The following ABCC1 variants were observed in gnomAD, a reference collection of about 807,000 sequenced individuals.
The protein encoded by ABCC1 is ATP binding cassette subfamily C member 1 (ABCC1 blood group).
In ABCC1, 83 loss-of-function variants were observed where a neutral mutation model predicts 172.9. The ratio of observed to expected loss-of-function variants is 0.48; its 90% CI spans 0.40 to 0.58. The LOEUF is 0.58. ABCC1 is among the 20% of genes least tolerant of loss of function. The pLI is 0.00. For synonymous variants in ABCC1, 937 were observed against 825.2 expected, an observed-to-expected ratio of 1.14 and a Z score of -2.32; for missense variants, 1,817 against 2,002.7, an observed-to-expected ratio of 0.91 and a Z score of 1.77.
rs191017838 is a variant in ABCC1, at chr16:16,114,857, G to A, written c.3171G>A (p.Leu1057=). 5.8e-3 allele frequency: 9,432 copies of A among 1,613,996 alleles called. 35 individuals carry two copies. The highest frequency in any genetic ancestry group is 7.2e-3 in the Non-Finnish European group (8,546 of 1,179,958). Residue 1057 remains leucine, a synonymous_variant, in exon 23 of 31, where the codon CTG becomes CTA. Coordinates refer to ENST00000399410, the MANE Select transcript of ABCC1 (RefSeq NM_004996.4). Reference sequence around the variant, plus strand: ...ACGTGGACCTGCTGCACAGCATCCTGCGGTCACCCATGAGCTTCTTTGAGC... The same window carrying A: ...ACGTGGACCTGCTGCACAGCATCCTACGGTCACCCATGAGCTTCTTTGAGC... ...CLHVDLLHSI[L]RSPMSFFERT...
At position 16,014,708 on chromosome 16, in the gene ABCC1, G is replaced by A. The variant is rs878959911; in HGVS notation, c.489+80G>A. On this transcript the variant is annotated intron_variant, in intron 4 of 30. Transcript: ENST00000399410. ...CTGGGTCCCTCTGGCTTGTGTAGAAGTCATGCGTTGCCATGGGAACCAGGG... is the reference window on the plus strand; with the variant it reads ...CTGGGTCCCTCTGGCTTGTGTAGAAATCATGCGTTGCCATGGGAACCAGGG... 41 of 1,533,262 alleles carry A rather than the reference G, an allele frequency of 2.7e-5. 1 individual carries two copies. In the South Asian group the frequency reaches 4.4e-4, roughly 17 times the overall value. The allele number at this position is 1,533,262 out of a possible 1,614,324, so 95.0% of individuals were successfully genotyped here.
At chr16:16,083,615 G>T in intron 17 of ABCC1, 73 bp downstream of exon 17, 1 of 1,556,164 alleles carries the variant, frequency 6.4e-7, no homozygotes, top group Non-Finnish European at 8.8e-7. Context: ...CACAATCTCA[G>T]TGGGCTGTGA....
Position 16,050,829 on chromosome 16 carries a change from G to A in ABCC1, c.1381-1895G>A, listed in dbSNP as rs1184959228. ...GAGGCAGGAGGATTGCTTGAGCCTA[G>A]GAGTGCAGAGGCTGCAGTAAGCTAG... is the stretch of plus-strand genomic sequence containing the variant. On this transcript the variant is annotated intron_variant, in intron 10 of 30. Coordinates refer to ENST00000399410, the MANE Select transcript of ABCC1 (RefSeq NM_004996.4). Among the ~76,000 whole-genome samples the A allele has an allele frequency of 4.6e-5, 7 of 151,928 alleles. No individual in the cohort carries two copies. In the East Asian group the frequency reaches 1.4e-3, roughly 29 times the overall value.
At chr16:15,961,015 TTTTTTTTTTA>T (rs1358579263) in intron 1 of ABCC1, among the ~76,000 whole-genome samples, 3 of 60,056 alleles carry the variant, frequency 5.0e-5, no homozygotes, top group African/African-American at 1.5e-4. Flanking sequence ...TTTTTTTTTT[TTTTTTTTTTA>T]AAATAGATGG....
intron 14 of ABCC1, among the ~76,000 whole-genome samples, chr16:16,075,639 A>G (rs1422163360): frequency 6.6e-6 from 1 of 152,148 alleles, no homozygotes; most frequent in Non-Finnish European, 1.5e-5. Context: ...TCAGGAGAAG[A>G]CAGAAACATG....
intron 29 of ABCC1, among the ~76,000 whole-genome samples, chr16:16,137,534 G>A (rs1421464626): frequency 6.9e-6 from 1 of 145,580 alleles, no homozygotes; most frequent in African/African-American, 2.5e-5. Flanking sequence ...AGGGATGCAT[G>A]GGTATGAGGC....
chr16:16,001,966 C>G (rs1197923210), intron 1 of ABCC1, among the ~76,000 whole-genome samples: 2 of 152,294 alleles, frequency 1.3e-5, no homozygotes, highest in Admixed American at 1.3e-4. Flanking sequence ...GATCCTCCCA[C>G]CTGGGCCTCC....
chr16:16,052,200 C>CA (rs1301976628), intron 10 of ABCC1, among the ~76,000 whole-genome samples: 2 of 150,568 alleles, frequency 1.3e-5, no homozygotes, highest in Non-Finnish European at 3.0e-5. Flanking sequence ...CTTGTCCTTA[C>CA]AAAAAACCAA....
intron 9 of ABCC1, 89 bp downstream of exon 9, chr16:16,046,102 C>G (rs1419054783): frequency 3.6e-5 from 51 of 1,434,196 alleles, no homozygotes; most frequent in Non-Finnish European, 4.7e-5. Context: ...GTGGGGATTT[C>G]CAGCCCAGCT....
chr16:15,985,996 G>A (rs917605101), intron 1 of ABCC1, among the ~76,000 whole-genome samples: 8 of 151,404 alleles, frequency 5.3e-5, no homozygotes, highest in South Asian at 2.1e-4. Flanking sequence ...TTTTTGAGAC[G>A]GAATCTCAGC....
In ABCC1 at chr16:15,962,673, G is replaced by C. The variant is rs115343087; in HGVS notation, c.48+12874G>C. 6.3e-3 allele frequency among the ~76,000 whole-genome samples: 954 copies of C among 152,260 alleles called. 10 individuals carry two copies. The highest frequency in any genetic ancestry group is 0.02 in the African/African-American group (848 of 41,552). On this transcript the variant is annotated intron_variant, in intron 1 of 30. Transcript: ENST00000399410. The stretch of plus-strand genomic sequence containing the variant: ...GTGCAGAGTAAAGAGGAGAAAAGCC[G>C]GTATAAAACCATCAGATCTTCTGAG...
intron 18 of ABCC1, 126 bp from the exon 19 acceptor site, chr16:16,090,279 A>T: frequency 1.0e-6 from 1 of 980,940 alleles, no homozygotes; most frequent in Non-Finnish European, 1.4e-6. Flanking sequence ...TGCATGTCCC[A>T]CCTTCAGACC....
intron 18 of ABCC1, among the ~76,000 whole-genome samples, chr16:16,089,003 G>A (rs1294801948): frequency 5.9e-5 from 9 of 152,144 alleles, no homozygotes; most frequent in Non-Finnish European, 1.2e-4. Flanking sequence ...GCCACCGCAC[G>A]TGTCCTGTTC....
At chr16:16,045,505 C>T (rs1340011414) in intron 8 of ABCC1, among the ~76,000 whole-genome samples, 1 of 151,954 alleles carries the variant, frequency 6.6e-6, no homozygotes, top group Non-Finnish European at 1.5e-5. Flanking sequence ...CTCTGCTGCT[C>T]TGTGACTCAG....
rs372908083 is a variant in ABCC1 at position 16,038,386 on chromosome 16, G to C, written c.809+1783G>C. On this transcript the variant is annotated intron_variant, in intron 7 of 30. Coordinates refer to ENST00000399410, the MANE Select transcript of ABCC1 (RefSeq NM_004996.4). ...ATTCTCAGTCCATAGTCAAAGGCCT[G>C]AGAACCTGGAGTCATTGGGTAAGTC... Among the ~76,000 whole-genome samples, 160 of 152,296 alleles carry C rather than the reference G, an allele frequency of 1.1e-3. 4 individuals are homozygous for C. In the South Asian group the frequency reaches 0.032, roughly 31 times the overall value.
chr16:16,078,481 C>T (rs1204435433), intron 15 of ABCC1, among the ~76,000 whole-genome samples: 2 of 152,204 alleles, frequency 1.3e-5, no homozygotes, highest in East Asian at 1.9e-4. Flanking sequence ...TTTGGTGGCT[C>T]CCGGCTGGCA....
At chr16:16,029,665 T>A (rs246238) in intron 5 of ABCC1, among the ~76,000 whole-genome samples, 130,218 of 152,278 alleles carry the variant, frequency 0.86, 56,087 homozygotes, top group Non-Finnish European at 0.91. Context: ...AGAGTTCCTG[T>A]TGTTCATTGC....
intron 7 of ABCC1, among the ~76,000 whole-genome samples, chr16:16,044,122 T>A (rs191477161): frequency 5.1e-4 from 78 of 152,350 alleles, no homozygotes; most frequent in Middle Eastern, 3.4e-3. Flanking sequence ...TTTAACTTAT[T>A]CAACTCGTTT....
intron 5 of ABCC1, among the ~76,000 whole-genome samples, chr16:16,024,050 C>T (rs2048286203): frequency 6.6e-6 from 1 of 152,078 alleles, no homozygotes; most frequent in South Asian, 2.1e-4. Flanking sequence ...AAAACCCCGT[C>T]TCTACTGATC....
Sources: gnomAD v4.1 joint callset for allele counts (sites outside exome capture counted in the v4.1 genomes callset) on GRCh38, gnomAD v4.1.1 for gene constraint, MANE v1.5 for transcripts, NCBI Gene and HGNC (gene_info 2026-07-23, HGNC 2026-07-21) for gene names.